ROBO3: variants seen among roughly 807,000 people sequenced by gnomAD.
ROBO3 encodes the protein roundabout homolog 3.
A neutral mutation model predicts 160.5 loss-of-function variants in ROBO3; 97 were observed. The ratio of observed to expected loss-of-function variants is 0.60; its 90% CI spans 0.51 to 0.72. The LOEUF (loss-of-function observed/expected upper bound fraction) is 0.72, where lower values mean the gene tolerates loss of function less well. Among genes scored for constraint, ROBO3 ranks in the 30% least tolerant of loss-of-function variants. The probability of loss-of-function intolerance (pLI) is 0.00; values close to 1 mark genes in which losing one functional copy is unlikely to be tolerated. For missense variants in ROBO3, 1,858 were observed against 1,846.5 expected (o/e 1.01, Z -0.11); for synonymous variants, 780 against 746.2 (o/e 1.05, Z -0.74).
chr11:124,865,807 AAGG>A lies in ROBO3; in HGVS notation c.160+73_160+75del. ...GAGGTGAGAGGGCGGCGTGGAAGGGAAGGAGAAGCGCTCCTGTCCCGAGGTCCG... is the reference window on the plus strand; with the variant it reads ...GAGGTGAGAGGGCGGCGTGGAAGGGAAGAAGCGCTCCTGTCCCGAGGTCCG... On this transcript the variant is annotated intron_variant, in intron 1 of 27. Coordinates refer to ENST00000397801, the MANE Select transcript of ROBO3 (RefSeq NM_022370.4). The surrounding 1 kb of genome is among the most constrained non-coding windows in gnomAD (Gnocchi z 5.5). The A allele has an allele frequency of 4.1e-6, 6 of 1,475,790 alleles. No homozygotes were observed. 91.4% of individuals were successfully genotyped at this position (1,475,790 alleles called of 1,614,324 possible).
Position 124,878,426 on chromosome 11 carries a change from C to T in ROBO3, c.3310C>T (p.Leu1104=). 2 of 1,613,446 alleles carry T rather than the reference C, an allele frequency of 1.2e-6. No homozygotes were observed. Among genetic ancestry groups the T allele is most frequent in the Non-Finnish European group, 1.7e-6 (2 of 1,179,604 alleles). The change falls in exon 22 of 28, where the codon CTG becomes TTG. Residue 1104 remains leucine (L), a synonymous_variant. Coordinates refer to ENST00000397801, the MANE Select transcript of ROBO3 (RefSeq NM_022370.4). The surrounding 1 kb of genome is among the most constrained non-coding windows in gnomAD (Gnocchi z 4.3). Reference sequence around the variant, plus strand: ...CTGCCTAGAAGGGCCGGAGGAGGAGCTGGAGGGCAGGTAGAGATGCTCCCT... The same window carrying T: ...CTGCCTAGAAGGGCCGGAGGAGGAGTTGGAGGGCAGGTAGAGATGCTCCCT... The part of the protein sequence containing the change: ...LSCLEGPEEE[L]EGSSEPEEWC...
chr11:124,879,939 C>T lies in ROBO3; in HGVS notation c.3949C>T (p.His1317Tyr). 6.3e-7 allele frequency: 1 copy of T among 1,581,536 alleles called. No homozygotes were observed. The highest frequency in any genetic ancestry group is 8.6e-7 in the Non-Finnish European group (1 of 1,164,340). The change falls in exon 26 of 28, where the codon CAC becomes TAC. Residue 1317 changes from histidine to tyrosine, a missense_variant. Coordinates refer to ENST00000397801, the MANE Select transcript of ROBO3 (RefSeq NM_022370.4). Reference protein sequence around the residue: ...AVPLAAQRVLHPDEEAWLPYS... With the variant: ...AVPLAAQRVLYPDEEAWLPYS... The stretch of plus-strand genomic sequence containing the variant: ...GCCCCTGGCAGCCCAGCGGGTGCTC[C>T]ACCCAGATGGTAAGCAGGGCCAGGG...
At position 124,879,823 on chromosome 11, in the gene ROBO3, A is replaced by C. The variant is rs776056451; in HGVS notation, c.3833A>C (p.Glu1278Ala). The C allele has an allele frequency of 1.2e-6, 2 of 1,613,888 alleles. No homozygotes were observed. The highest frequency in any genetic ancestry group is 1.7e-6 in the Non-Finnish European group (2 of 1,179,850). Residue 1278 changes from glutamate (E) to alanine (A), a missense_variant, in exon 26 of 28, where the codon GAG becomes GCG. By Grantham distance (107) the Glu-to-Ala change is moderately radical (BLOSUM62 -1). Transcript: ENST00000397801. ...PPPPLPPPEEEASWALELRAA... is the reference protein window; with the variant it reads ...PPPPLPPPEEAASWALELRAA... ...CCACCCTTGCCACCGCCAGAGGAAG[A>C]GGCGAGCTGGGCCCTAGAGCTGAGG...
Position 124,869,354 on chromosome 11 carries a change from C to A in ROBO3, c.488-96C>A. ...CCTGGGAACGAATTCCAGTCTGCAGCGATCAACCCCTTCCCAAGACAACAC... is the reference window on the plus strand; with the variant it reads ...CCTGGGAACGAATTCCAGTCTGCAGAGATCAACCCCTTCCCAAGACAACAC... On this transcript the variant is annotated intron_variant, in intron 2 of 27. Transcript: ENST00000397801. This position sits in a 1 kb window ranked among gnomAD's most constrained non-coding sequence, Gnocchi z 4.2. 2 of 1,233,914 alleles carry A rather than the reference C, an allele frequency of 1.6e-6. No homozygotes were observed. Among genetic ancestry groups the A allele is most frequent in the Non-Finnish European group, 2.3e-6 (2 of 860,042 alleles). 76.4% of individuals were successfully genotyped at this position (1,233,914 alleles called of 1,614,324 possible).
At chr11:124,868,453 G>A (rs1364047401) in intron 1 of ROBO3, 3 of 579,462 alleles carry the variant, frequency 5.2e-6, no homozygotes, top group African/African-American at 3.7e-5. Flanking sequence ...GGCAGGAGGC[G>A]AGGGAGCGGT....
At chr11:124,870,824 G>A (rs1946271493) in intron 6 of ROBO3, 96 bp downstream of exon 6, 4 of 1,549,738 alleles carry the variant, frequency 2.6e-6, no homozygotes, top group East Asian at 2.3e-5. Flanking sequence ...GCAGAGAAGG[G>A]CATGTGGATG....
In ROBO3 at chr11:124,865,558, G is replaced by T; in HGVS notation, c.-20G>T. 3.7e-6 allele frequency: 6 copies of T among 1,608,678 alleles called. No homozygotes were observed. Among genetic ancestry groups the T allele is most frequent in the East Asian group, 2.2e-5 (1 of 44,790 alleles). On this transcript the variant is annotated 5_prime_UTR_variant, in exon 1 of 28. Coordinates refer to ENST00000397801, the MANE Select transcript of ROBO3 (RefSeq NM_022370.4). This position sits in a 1 kb window ranked among gnomAD's most constrained non-coding sequence, Gnocchi z 5.5. ...GGCTGGGCCCCCAGCCCCCAGTCCC[G>T]ATCCCAGCTGGGTCGAGCCATGCTG...
chr11:124,880,386 G>A (rs1192083404), intron 26 of ROBO3, 32 bp from the exon 27 acceptor site: 1 of 1,610,682 alleles, frequency 6.2e-7, no homozygotes, highest in African/African-American at 1.3e-5. Context: ...CTTCCTGCCT[G>A]CACCTGGCTA....
chr11:124,877,493 C>A, intron 19 of ROBO3, 26 bp from the exon 20 acceptor site: 1 of 1,600,246 alleles, frequency 6.2e-7, no homozygotes, highest in Admixed American at 1.7e-5. Flanking sequence ...GCTCTCCGTC[C>A]CCAACGCTCA....
rs1329394910 is a variant in ROBO3, at chr11:124,877,527, T to A, written c.2855T>A (p.Met952Lys). 3 of 1,601,400 alleles carry A rather than the reference T, an allele frequency of 1.9e-6. No individual in the cohort carries two copies. The highest frequency in any genetic ancestry group is 1.7e-5 in the Admixed American group (1 of 57,996). ...GLSGASSRPP[M>K]GLGPAPYSWL... The stretch of plus-strand genomic sequence containing the variant: ...CACCTGCTCTCCCTCAGGCCACCCA[T>A]GGGCCTTGGCCCCGCCCCCTACTCA... The change falls in exon 20 of 28, where the codon ATG becomes AAG. Residue 952 changes from methionine (M) to lysine (K), a missense_variant. Met to Lys is a moderately conservative substitution (Grantham distance 95). Coordinates refer to ENST00000397801, the MANE Select transcript of ROBO3 (RefSeq NM_022370.4).
chr11:124,880,358 G>A lies in ROBO3; in HGVS notation c.3959-60G>A, dbSNP rs1162307453. Reference sequence around the variant, plus strand: ...AGCCTGTGGTCAGGGTGGCAGGGTGGGTGACAGGGAAGTTCTGCTTCCTGC... The same window carrying A: ...AGCCTGTGGTCAGGGTGGCAGGGTGAGTGACAGGGAAGTTCTGCTTCCTGC... On this transcript the variant is annotated intron_variant, in intron 26 of 27. Coordinates refer to ENST00000397801, the MANE Select transcript of ROBO3 (RefSeq NM_022370.4). The A allele has an allele frequency of 1.0e-5, 16 of 1,595,876 alleles. No homozygotes were observed. In the East Asian group the frequency reaches 3.6e-4, roughly 36 times the overall value.
At chr11:124,871,249 C>A in intron 7 of ROBO3, 111 bp downstream of exon 7, 2 of 1,278,534 alleles carry the variant, frequency 1.6e-6, no homozygotes, top group Non-Finnish European at 1.0e-6. Context: ...TCTTTGGGAG[C>A]CCCCAGAAAC....
chr11:124,865,550 C>A lies in ROBO3; in HGVS notation c.-28C>A, dbSNP rs757016180. On this transcript the variant is annotated 5_prime_UTR_variant, in exon 1 of 28. Transcript: ENST00000397801. This position sits in a 1 kb window ranked among gnomAD's most constrained non-coding sequence, Gnocchi z 5.5. Reference sequence around the variant, plus strand: ...GACCCAGGGGCTGGGCCCCCAGCCCCCAGTCCCGATCCCAGCTGGGTCGAG... The same window carrying A: ...GACCCAGGGGCTGGGCCCCCAGCCCACAGTCCCGATCCCAGCTGGGTCGAG... The A allele has an allele frequency of 1.9e-6, 3 of 1,607,220 alleles. No individual in the cohort carries two copies. Among genetic ancestry groups the A allele is most frequent in the Non-Finnish European group, 2.5e-6 (3 of 1,178,726 alleles).
At position 124,881,225 on chromosome 11, in the gene ROBO3, C is replaced by G. The variant is rs1333807753; in HGVS notation, c.4150-14C>G. 1 of 1,604,620 alleles carries G rather than the reference C, an allele frequency of 6.2e-7. No individual in the cohort carries two copies. The highest frequency in any genetic ancestry group is 8.5e-7 in the Non-Finnish European group (1 of 1,175,498). ...CAGGGTTTTACAAAACAGCATCTCT[C>G]TCTCTCTCCCTAGGAACCAAGATGA... On this transcript the variant is annotated splice_polypyrimidine_tract_variant and intron_variant, in intron 27 of 27. Coordinates refer to ENST00000397801, the MANE Select transcript of ROBO3 (RefSeq NM_022370.4).
At chr11:124,874,047 C>G (rs1565312082) in intron 11 of ROBO3, 23 bp from the exon 12 acceptor site, 2 of 1,613,386 alleles carry the variant, frequency 1.2e-6, no homozygotes. Flanking sequence ...TTAGACAACC[C>G]TGTCATCTCC....
intron 27 of ROBO3, 82 bp from the exon 28 acceptor site, chr11:124,881,157 A>C: frequency 7.1e-7 from 1 of 1,407,642 alleles, no homozygotes; most frequent in Non-Finnish European, 9.9e-7. Context: ...CTGGGTTAGG[A>C]GAGAGAAAGC....
intron 1 of ROBO3, among the ~76,000 whole-genome samples, chr11:124,867,449 C>A (rs1411969222): frequency 6.6e-6 from 1 of 152,230 alleles, no homozygotes; most frequent in Admixed American, 6.5e-5. Context: ...GTTGGTTCAA[C>A]AGCAACACTT....
chr11:124,869,503 G>C lies in ROBO3; in HGVS notation c.541G>C (p.Glu181Gln), dbSNP rs1048636434. The C allele has an allele frequency of 1.3e-6, 2 of 1,561,030 alleles. No individual in the cohort carries two copies. Among genetic ancestry groups the C allele is most frequent in the Non-Finnish European group, 1.7e-6 (2 of 1,152,086 alleles). The change falls in exon 3 of 28, where the codon GAG becomes CAG. Residue 181 changes from glutamate to glutamine, a missense_variant. By Grantham distance (29) the Glu-to-Gln change is conservative. Transcript: ENST00000397801. The surrounding 1 kb of genome is among the most constrained non-coding windows in gnomAD (Gnocchi z 4.2). ...TGGAAACGTGGTGGTGGCAGTGGGG[G>C]AGCCAGCAGTACTGGAATGCGTGCC... is the stretch of plus-strand genomic sequence containing the variant. ...SPGNVVVAVGEPAVLECVPPR... is the reference protein window; with the variant it reads ...SPGNVVVAVGQPAVLECVPPR...
chr11:124,880,039 C>G (rs545574779), intron 26 of ROBO3, 91 bp downstream of exon 26: 3 of 1,269,864 alleles, frequency 2.4e-6, no homozygotes, highest in Non-Finnish European at 3.2e-6. Context: ...GCTCAGCCCT[C>G]CCTTTAGTTA....
Sources: gnomAD v4.1 joint callset for allele counts (sites outside exome capture counted in the v4.1 genomes callset) on GRCh38, gnomAD v4.1.1 for gene constraint, Gnocchi (gnomAD v3.1) non-coding constraint, MANE v1.5 for transcripts, NCBI Gene and HGNC (gene_info 2026-07-23, HGNC 2026-07-21) for gene names.